The following CACNA2D3 variants were observed in gnomAD, a reference collection of about 807,000 sequenced individuals.
The protein encoded by CACNA2D3 is voltage-dependent calcium channel subunit alpha-2/delta-3.
CACNA2D3 carries 60 observed loss-of-function variants against 160.6 expected under a neutral mutation model. That is an observed-to-expected ratio of 0.37 (90% CI 0.30 to 0.46). CACNA2D3 has a LOEUF of 0.46. Ranked by LOEUF, CACNA2D3 falls within the 20% of genes least tolerant of loss-of-function variation. The pLI is 1.00. For synonymous variants in CACNA2D3, 558 were observed against 492.9 expected, an observed-to-expected ratio of 1.13 and a Z score of -1.75; for missense variants, 1,205 against 1,365.0, an observed-to-expected ratio of 0.88 and a Z score of 1.85.
chr3:54,976,048 G>A (rs977778413), intron 29 of CACNA2D3, among the ~76,000 whole-genome samples: 2 of 137,312 alleles, frequency 1.5e-5, no homozygotes, highest in Admixed American at 7.2e-5. Context: ...TATAGGTATA[G>A]ATATAGATAC....
At chr3:54,386,075 G>A (rs907467575) in intron 3 of CACNA2D3, 60 of 415,946 alleles carry the variant, frequency 1.4e-4, no homozygotes, top group South Asian at 6.8e-4. Context: ...GAATATTAAT[G>A]TGTTGAATTT....
At chr3:54,277,315 C>T (rs528327192) in intron 2 of CACNA2D3, among the ~76,000 whole-genome samples, 6 of 152,294 alleles carry the variant, frequency 3.9e-5, no homozygotes, top group East Asian at 1.9e-4. Context: ...TACGATGTCA[C>T]GAAGGGGTCC....
chr3:54,588,190 C>T (rs992923600), intron 9 of CACNA2D3, among the ~76,000 whole-genome samples: 1 of 152,156 alleles, frequency 6.6e-6, no homozygotes, highest in East Asian at 1.9e-4. Flanking sequence ...TCTACTATAT[C>T]AACAAGCTGA....
intron 3 of CACNA2D3, among the ~76,000 whole-genome samples, chr3:54,365,848 C>T (rs1001249644): frequency 8.5e-5 from 13 of 152,204 alleles, no homozygotes; most frequent in African/African-American, 2.4e-4. Flanking sequence ...GGTGACAGAG[C>T]GAGACTCCAT....
intron 2 of CACNA2D3, among the ~76,000 whole-genome samples, chr3:54,307,253 C>T (rs1018919340): frequency 2.6e-5 from 4 of 152,080 alleles, no homozygotes; most frequent in South Asian, 2.1e-4. Context: ...AAGTTGGTGA[C>T]ACTGAAATTT....
In CACNA2D3 at chr3:54,682,541, G is replaced by A. The variant is rs370699615; in HGVS notation, c.1167+40300G>A. ...CTTGGGAGGCTGAGGCACAAGAATC[G>A]CTTGAGCTGCAGTGAGCTGAGATGG... is the stretch of plus-strand genomic sequence containing the variant. On this transcript the variant is annotated intron_variant, in intron 11 of 37. Transcript: ENST00000474759. Among the ~76,000 whole-genome samples, 178 of 152,186 alleles carry A rather than the reference G, an allele frequency of 1.2e-3. 3 individuals carry two copies. In the South Asian group the frequency reaches 0.034, roughly 29 times the overall value.
In CACNA2D3 at chr3:55,074,391, T is replaced by TATCAATC. The variant is rs553310431; in HGVS notation, c.*189_*190insATCATCA. On this transcript the variant is annotated 3_prime_UTR_variant, in exon 38 of 38. Transcript: ENST00000474759. ...AAAGATATGTTGACAAAAAGTTATC[T>TATCAATC]ATCATCTTTTTACTTTGCCAGTCAT... 3.9e-6 allele frequency: 2 copies of TATCAATC among 508,390 alleles called. No homozygotes were observed. The highest frequency in any genetic ancestry group is 5.9e-5 in the East Asian group (2 of 33,724). 31.5% of individuals were successfully genotyped at this position (508,390 alleles called of 1,614,324 possible). A position where few individuals can be genotyped will look rare whatever the true frequency, so the allele number is the denominator to read the frequency against.
At chr3:54,303,827 T>TTTTTTTTTG (rs1703534371) in intron 2 of CACNA2D3, among the ~76,000 whole-genome samples, 3 of 145,554 alleles carry the variant, frequency 2.1e-5, no homozygotes, top group African/African-American at 7.7e-5. Flanking sequence ...TGTTTTTTTT[T>TTTTTTTTTG]TTTTTTTTTT....
At chr3:54,865,911 G>GATAAGGAAA (rs1481138693) in intron 17 of CACNA2D3, among the ~76,000 whole-genome samples, 27 of 152,300 alleles carry the variant, frequency 1.8e-4, no homozygotes, top group African/African-American at 6.3e-4. Flanking sequence ...CCATCTTACG[G>GATAAGGAAA]ATAAGGAAAA....
chr3:54,667,154 T>C (rs1700081941), intron 11 of CACNA2D3, among the ~76,000 whole-genome samples: 1 of 152,206 alleles, frequency 6.6e-6, no homozygotes, highest in Non-Finnish European at 1.5e-5. Flanking sequence ...AACTGGTACA[T>C]GAACACTGTT....
At chr3:54,292,223 C>A (rs1175278698) in intron 2 of CACNA2D3, among the ~76,000 whole-genome samples, 1 of 152,074 alleles carries the variant, frequency 6.6e-6, no homozygotes, top group Non-Finnish European at 1.5e-5. Context: ...AACTGTAAAG[C>A]TCTTAGAAGA....
intron 2 of CACNA2D3, among the ~76,000 whole-genome samples, chr3:54,286,458 G>A (rs1481757575): frequency 2.0e-5 from 3 of 152,248 alleles, no homozygotes; most frequent in Non-Finnish European, 2.9e-5. Context: ...TCTGAATGGT[G>A]TACCTGATAG....
chr3:54,933,790 A>G (rs927387415), intron 27 of CACNA2D3, among the ~76,000 whole-genome samples: 10 of 148,020 alleles, frequency 6.8e-5, no homozygotes, highest in Admixed American at 2.0e-4. Flanking sequence ...ACAAAGTCTC[A>G]CTCTGTCATC....
intron 20 of CACNA2D3, 49 bp downstream of exon 20, chr3:54,879,460 G>T (rs1259391928): frequency 2.2e-6 from 3 of 1,362,338 alleles, no homozygotes; most frequent in Admixed American, 3.9e-5. Context: ...CATCAGTTGT[G>T]TTTGTACAAA....
At chr3:54,830,100 C>T (rs954191768) in intron 14 of CACNA2D3, among the ~76,000 whole-genome samples, 21 of 151,690 alleles carry the variant, frequency 1.4e-4, no homozygotes, top group African/African-American at 5.1e-4. Context: ...CCCATCACCA[C>T]GCCTGGCTAA....
At chr3:54,361,248 G>T (rs1698737954) in intron 3 of CACNA2D3, among the ~76,000 whole-genome samples, 1 of 151,398 alleles carries the variant, frequency 6.6e-6, no homozygotes, top group Non-Finnish European at 1.5e-5. Context: ...GGTTGGTGTG[G>T]AACCTGTCAA....
At chr3:54,981,839 A>G (rs541349300) in intron 29 of CACNA2D3, among the ~76,000 whole-genome samples, 9 of 152,260 alleles carry the variant, frequency 5.9e-5, no homozygotes, top group Admixed American at 2.0e-4. Flanking sequence ...TGTTAATCCA[A>G]CCTCTGACCA....
chr3:54,182,053 C>A (rs1700794499), intron 2 of CACNA2D3, among the ~76,000 whole-genome samples: 1 of 152,080 alleles, frequency 6.6e-6, no homozygotes, highest in South Asian at 2.1e-4. Flanking sequence ...TATTTACAGG[C>A]AACAATATTT....
chr3:54,479,103 A>G (rs551644434), intron 4 of CACNA2D3, among the ~76,000 whole-genome samples: 6 of 152,018 alleles, frequency 3.9e-5, no homozygotes, highest in Non-Finnish European at 8.8e-5. Flanking sequence ...GGTTACCTCC[A>G]TGCTGTTCTC....
Sources: gnomAD v4.1 joint callset for allele counts (sites outside exome capture counted in the v4.1 genomes callset) on GRCh38, gnomAD v4.1.1 for gene constraint, MANE v1.5 for transcripts, NCBI Gene and HGNC (gene_info 2026-07-23, HGNC 2026-07-21) for gene names.